DCUN1D4: variants seen among roughly 807,000 people sequenced by gnomAD.
The protein encoded by DCUN1D4 is defective in cullin neddylation 1 domain containing 4.
A neutral mutation model predicts 47.9 loss-of-function variants in DCUN1D4; 22 were observed. The ratio of observed to expected loss-of-function variants is 0.46; its 90% CI spans 0.33 to 0.66. The LOEUF (loss-of-function observed/expected upper bound fraction) is 0.66. Among genes scored for constraint, DCUN1D4 ranks in the 30% least tolerant of loss-of-function variants. The pLI, the probability that DCUN1D4 is intolerant of heterozygous loss-of-function variation, is 0.02. For missense variants in DCUN1D4, 301 were observed against 340.8 expected (o/e 0.88, Z 0.92); for synonymous variants, 121 against 112.2 (o/e 1.08, Z -0.50).
intron 10 of DCUN1D4, 31 bp downstream of exon 10, chr4:51,913,423 G>A (rs376168943): frequency 3.1e-5 from 50 of 1,587,488 alleles, no homozygotes; most frequent in African/African-American, 3.1e-4. Context: ...TCTGCCATTC[G>A]TGTACATTTC....
At chr4:51,894,535 A>T (rs1226122553) in intron 7 of DCUN1D4, among the ~76,000 whole-genome samples, 1 of 152,206 alleles carries the variant, frequency 6.6e-6, no homozygotes, top group Non-Finnish European at 1.5e-5. Flanking sequence ...CAATATTCAG[A>T]CAAAAGATCC....
At chr4:51,913,263 A>C in intron 9 of DCUN1D4, 27 bp from the exon 10 acceptor site, 3 of 1,411,234 alleles carry the variant, frequency 2.1e-6, no homozygotes, top group Non-Finnish European at 3.0e-6. Flanking sequence ...AAGTGTCAGT[A>C]ATTCATATTA....
chr4:51,854,497 A>G (rs1723835315), intron 1 of DCUN1D4, among the ~76,000 whole-genome samples: 1 of 152,222 alleles, frequency 6.6e-6, no homozygotes, highest in Admixed American at 6.5e-5. Context: ...AGCAAAACTA[A>G]TAGCAGCATT....
intron 3 of DCUN1D4, among the ~76,000 whole-genome samples, chr4:51,870,330 A>C (rs1430679012): frequency 6.6e-6 from 1 of 152,186 alleles, no homozygotes; most frequent in Non-Finnish European, 1.5e-5. Context: ...TATTTTTATC[A>C]TAAAAAAATC....
chr4:51,843,281 A>G lies in DCUN1D4; in HGVS notation c.25+14A>G. The G allele has an allele frequency of 1.3e-6, 2 of 1,528,492 alleles. No homozygotes were observed. The highest frequency in any genetic ancestry group is 1.8e-6 in the Non-Finnish European group (2 of 1,138,092). 94.7% of individuals were successfully genotyped at this position (1,528,492 alleles called of 1,614,324 possible). On this transcript the variant is annotated intron_variant, in intron 1 of 10. Transcript: ENST00000334635. ...CCGCCGCTGTCAGTGAGTAGCAGAG[A>G]GCCAGCCAGCGGGCCGGGGCCGGGC...
At chr4:51,894,485 A>G (rs756012024) in intron 7 of DCUN1D4, among the ~76,000 whole-genome samples, 3 of 151,864 alleles carry the variant, frequency 2.0e-5, no homozygotes, top group African/African-American at 7.2e-5. Context: ...ATCAAAAACC[A>G]TGAGTAAGAT....
Position 51,911,186 on chromosome 4 carries a change from TTG to T in DCUN1D4, c.720+14_720+15del, listed in dbSNP as rs1444886670. ...ACCAATTCTTAGAGGTACCAAATTG[TTG>T]TTTTATGAAATGTATGTTTGCTTGC... On this transcript the variant is annotated intron_variant, in intron 9 of 10. Transcript: ENST00000334635. 1 of 1,601,708 alleles carries T rather than the reference TTG, an allele frequency of 6.2e-7. No individual in the cohort carries two copies. Among genetic ancestry groups the T allele is most frequent in the Non-Finnish European group, 8.5e-7 (1 of 1,172,536 alleles).
At chr4:51,890,776 C>T (rs866953250) in intron 6 of DCUN1D4, among the ~76,000 whole-genome samples, 3 of 152,196 alleles carry the variant, frequency 2.0e-5, no homozygotes, top group Non-Finnish European at 4.4e-5. Context: ...TAGCTTAAAG[C>T]TGGGTGCACC....
At chr4:51,866,375 A>G (rs1231509257) in intron 3 of DCUN1D4, among the ~76,000 whole-genome samples, 6 of 149,980 alleles carry the variant, frequency 4.0e-5, no homozygotes, top group African/African-American at 1.2e-4. Context: ...TAACCAAATT[A>G]TGGTGATGAT....
chr4:51,843,135 G>A (rs947719770), upstream of DCUN1D4: 1 of 1,498,462 alleles, frequency 6.7e-7, no homozygotes, highest in South Asian at 1.3e-5. Flanking sequence ...GGCTGGGAGT[G>A]CCCGGCGGCG....
At chr4:51,850,374 T>C (rs1381414858) in intron 1 of DCUN1D4, among the ~76,000 whole-genome samples, 1 of 152,184 alleles carries the variant, frequency 6.6e-6, no homozygotes, top group East Asian at 1.9e-4. Flanking sequence ...CATGCAGGGC[T>C]CGGGTTTTCT....
intron 9 of DCUN1D4, among the ~76,000 whole-genome samples, chr4:51,912,726 T>C (rs544716208): frequency 6.6e-5 from 10 of 152,330 alleles, no homozygotes; most frequent in African/African-American, 2.4e-4. Context: ...ATTAGAACAG[T>C]AATTTTTTTC....
At chr4:51,850,782 G>A (rs2109820747) in intron 1 of DCUN1D4, among the ~76,000 whole-genome samples, 1 of 152,196 alleles carries the variant, frequency 6.6e-6, no homozygotes, top group Admixed American at 6.5e-5. Context: ...GGAGGGTGTT[G>A]TAATTTTAAA....
intron 1 of DCUN1D4, among the ~76,000 whole-genome samples, chr4:51,850,339 T>A (rs1310160596): frequency 6.6e-6 from 1 of 152,218 alleles, no homozygotes; most frequent in Non-Finnish European, 1.5e-5. Flanking sequence ...TGGATGGCTT[T>A]TCTGGCTTCT....
intron 1 of DCUN1D4, among the ~76,000 whole-genome samples, chr4:51,855,905 T>A (rs1423558885): frequency 6.6e-6 from 1 of 152,200 alleles, no homozygotes; most frequent in East Asian, 1.9e-4. Flanking sequence ...AAAGAGTGGC[T>A]CCCAACCACA....
intron 1 of DCUN1D4, chr4:51,845,178 G>A: frequency 3.0e-6 from 3 of 985,466 alleles, no homozygotes; most frequent in Non-Finnish European, 2.4e-6. Flanking sequence ...ATTTAATTTT[G>A]GCATCCAGTG....
intron 5 of DCUN1D4, among the ~76,000 whole-genome samples, chr4:51,883,971 A>G (rs901004721): frequency 6.7e-6 from 1 of 149,226 alleles, no homozygotes; most frequent in African/African-American, 2.4e-5. Flanking sequence ...TAAGAAAACT[A>G]GGAATATATA....
Position 51,886,595 on chromosome 4 carries a change from G to T in DCUN1D4, c.371G>T (p.Gly124Val). Residue 124 changes from glycine (G) to valine (V), a missense_variant, in exon 6 of 11, where the codon GGC becomes GTC. This residue lies in a region of DCUN1D4 where 170 missense variants were observed against 234.5 expected (regional missense o/e 0.73). Coordinates refer to ENST00000334635, the MANE Select transcript of DCUN1D4 (RefSeq NM_001040402.3). ...AGTDDVVGPE[G>V]MEKFCEDIGV... is the part of the protein sequence containing the mutation. ...ACTGATGATGTTGTAGGCCCTGAAG[G>T]CATGGAGAAATTTTGTGAAGACATT... The T allele has an allele frequency of 6.2e-7, 1 of 1,613,994 alleles. No individual in the cohort carries two copies. Among genetic ancestry groups the T allele is most frequent in the Non-Finnish European group, 8.5e-7 (1 of 1,179,950 alleles).
At chr4:51,883,133 T>C (rs1010121758) in intron 5 of DCUN1D4, among the ~76,000 whole-genome samples, 4 of 152,206 alleles carry the variant, frequency 2.6e-5, no homozygotes, top group African/African-American at 9.7e-5. Context: ...ATGAAGTAGA[T>C]GTATGGGTAC....
Sources: gnomAD v4.1 joint callset for allele counts (sites outside exome capture counted in the v4.1 genomes callset) on GRCh38, gnomAD v4.1.1 for gene constraint, gnomAD v4.1.1 regional missense constraint, MANE v1.5 for transcripts, NCBI Gene and HGNC (gene_info 2026-07-23, HGNC 2026-07-21) for gene names.